Variants in APCDD1L observed in about 807,000 individuals in gnomAD.
The protein encoded by APCDD1L is protein APCDD1-like.
In APCDD1L, 21 loss-of-function variants were observed where a neutral mutation model predicts 24.2. The observed-to-expected ratio is 0.87, with a 90% CI of 0.61 to 1.25. The LOEUF is 1.25. Among genes scored for constraint, APCDD1L ranks in the 50% most tolerant of loss-of-function variants. The probability of loss-of-function intolerance (pLI) is 0.00; values close to 1 mark genes in which losing one functional copy is unlikely to be tolerated. For missense variants in APCDD1L, 704 were observed against 711.7 expected, an observed-to-expected ratio of 0.99 and a Z score of 0.12; for synonymous variants, 321 against 323.6, an observed-to-expected ratio of 0.99 and a Z score of 0.09.
intron 1 of APCDD1L, among the ~76,000 whole-genome samples, chr20:58,510,882 C>T (rs1378680903): frequency 6.6e-6 from 1 of 152,150 alleles, no homozygotes; most frequent in Non-Finnish European, 1.5e-5. Context: ...AAATACAGCA[C>T]CTGCCAAAAG....
rs377714448 is a variant in APCDD1L at position 58,461,025 on chromosome 20, C to T, written c.1271G>A (p.Ser424Asn). Reference protein sequence around the residue: ...FKMEQDPLGQSLLFIGQRPTD... With the variant: ...FKMEQDPLGQNLLFIGQRPTD... ...GGGCCTTTGTCCGATGAAGAGCAGG[C>T]TTTGCCCGAGGGGGTCTTGTTCCAT... The change falls in exon 4 of 4, where the codon AGC (serine) becomes AAC (asparagine). Residue 424 changes from serine (S) to asparagine (N), a missense_variant. Physicochemically the swap from Ser to Asn is conservative, Grantham distance 46. Coordinates refer to ENST00000371149, the MANE Select transcript of APCDD1L (RefSeq NM_153360.3). This position sits in a 1 kb window ranked among gnomAD's most constrained non-coding sequence, Gnocchi z 6.0. 7 of 1,614,006 alleles carry T rather than the reference C, an allele frequency of 4.3e-6. No homozygotes were observed. Among genetic ancestry groups the T allele is most frequent in the Admixed American group, 3.3e-5 (2 of 59,994 alleles).
chr20:58,468,388 A>G (rs960761498), intron 2 of APCDD1L, among the ~76,000 whole-genome samples: 5 of 152,110 alleles, frequency 3.3e-5, no homozygotes, highest in African/African-American at 1.2e-4. Flanking sequence ...AAGGGGTTGG[A>G]CGGAGAAGAA....
In APCDD1L at chr20:58,497,576, G is replaced by A. The variant is rs149479386; in HGVS notation, c.49+17083C>T. On this transcript the variant is annotated intron_variant, in intron 1 of 3. Transcript: ENST00000371149. This position sits in a 1 kb window ranked among gnomAD's most constrained non-coding sequence, Gnocchi z 4.3. ...TCTTCTCCCTGCGTCTCTTCACATC[G>A]TCTTCCTTCGACGCAGGTCTGCGTC... 2.7e-3 allele frequency among the ~76,000 whole-genome samples: 410 copies of A among 152,122 alleles called. 3 individuals carry two copies. Among genetic ancestry groups the A allele is most frequent in the African/African-American group, 9.4e-3 (388 of 41,494 alleles).
chr20:58,483,887 A>G (rs1195525271), intron 1 of APCDD1L, among the ~76,000 whole-genome samples: 1 of 152,188 alleles, frequency 6.6e-6, no homozygotes, highest in Non-Finnish European at 1.5e-5. Flanking sequence ...AATGGGCTGG[A>G]GAAGCCGGCC....
rs776320628 is a variant in APCDD1L, at chr20:58,461,201, C to T, written c.1095G>A (p.Gln365=). The change falls in exon 4 of 4, where the codon CAG becomes CAA. Residue 365 remains glutamine, a synonymous_variant. Transcript: ENST00000371149. This position sits in a 1 kb window ranked among gnomAD's most constrained non-coding sequence, Gnocchi z 6.0. The part of the protein sequence containing the change: ...VTRAHVTPMD[Q]VTTAMLNFSE... The stretch of plus-strand genomic sequence containing the variant: ...AGAAGTTGAGCATGGCCGTGGTGAC[C>T]TGGTCCATGGGGGTCACATGGGCCC... 14 of 1,613,620 alleles carry T rather than the reference C, an allele frequency of 8.7e-6. No individual in the cohort carries two copies. The highest frequency in any genetic ancestry group is 1.1e-5 in the Non-Finnish European group (13 of 1,179,834).
At chr20:58,465,461 G>A (rs908730687) in intron 3 of APCDD1L, among the ~76,000 whole-genome samples, 28 of 152,228 alleles carry the variant, frequency 1.8e-4, no homozygotes, top group Non-Finnish European at 2.6e-4. Context: ...TTCCTTGAGT[G>A]TCCAGTACAC....
rs1381094512 is a variant in APCDD1L, at chr20:58,467,256, G to C, written c.591C>G (p.Ser197Arg). The C allele has an allele frequency of 3.2e-6, 5 of 1,582,184 alleles. No homozygotes were observed. In the Admixed American group the frequency reaches 8.7e-5, roughly 28 times the overall value. ...GCAGGCGGCGCTGCACGCGGACCAG[G>C]CTGAGCTCGTGCATGGTGAGGCCCA... ...EALGLTMHEL[S>R]LVRVQRRLQP... Residue 197 changes from serine to arginine, a missense_variant, in exon 3 of 4, where the codon AGC becomes AGG. Physicochemically the swap from Ser to Arg is moderately radical, Grantham distance 110 (BLOSUM62 -1). Coordinates refer to ENST00000371149, the MANE Select transcript of APCDD1L (RefSeq NM_153360.3). The surrounding 1 kb of genome is among the most constrained non-coding windows in gnomAD (Gnocchi z 5.9).
intron 1 of APCDD1L, among the ~76,000 whole-genome samples, chr20:58,476,595 A>T (rs765903507): frequency 8.5e-5 from 13 of 152,244 alleles, no homozygotes; most frequent in Non-Finnish European, 1.9e-4. Flanking sequence ...AGAGACTGAC[A>T]TTAATCAAAT....
rs149764499 is a variant in APCDD1L, at chr20:58,508,993, C to CGT, written c.49+5664_49+5665dup. On this transcript the variant is annotated intron_variant, in intron 1 of 3. Coordinates refer to ENST00000371149, the MANE Select transcript of APCDD1L (RefSeq NM_153360.3). This position sits in a 1 kb window ranked among gnomAD's most constrained non-coding sequence, Gnocchi z 4.0. ...GCGCACGTGTGTGTGCATGTGCATG[C>CGT]GTGTGTGTGTGTGTGTGTGTGTGTG... 0.52 allele frequency among the ~76,000 whole-genome samples: 77,702 copies of CGT among 149,276 alleles called. 21,053 individuals carry two copies. The highest frequency in any genetic ancestry group is 0.76 in the East Asian group (3,819 of 5,012).
At chr20:58,511,201 A>C (rs1316040975) in intron 1 of APCDD1L, among the ~76,000 whole-genome samples, 2 of 152,184 alleles carry the variant, frequency 1.3e-5, no homozygotes, top group Non-Finnish European at 2.9e-5. Context: ...CAGGGTGGGA[A>C]CCAGGTCTGC....
chr20:58,492,919 C>T (rs566076951), intron 1 of APCDD1L, among the ~76,000 whole-genome samples: 1 of 151,936 alleles, frequency 6.6e-6, no homozygotes, highest in African/African-American at 2.4e-5. Context: ...AGCATGCACA[C>T]ATGCATACAC....
chr20:58,502,207 T>A (rs1990449100), intron 1 of APCDD1L, among the ~76,000 whole-genome samples: 2 of 152,174 alleles, frequency 1.3e-5, no homozygotes, highest in South Asian at 4.1e-4. Context: ...TTTGAGTGAT[T>A]CTCCTGCCTC....
rs1990573399 is a variant in APCDD1L, at chr20:58,508,924, ATGAGTGTGCG to A, written c.49+5725_49+5734del. On this transcript the variant is annotated intron_variant, in intron 1 of 3. Coordinates refer to ENST00000371149, the MANE Select transcript of APCDD1L (RefSeq NM_153360.3). The surrounding 1 kb of genome is among the most constrained non-coding windows in gnomAD (Gnocchi z 4.0). ...ACTGTGTGCACATGCGTGAGTGTGC[ATGAGTGTGCG>A]TGAGTGTGTGTGAGTGTGCATGTGT... Among the ~76,000 whole-genome samples, 1 of 151,768 alleles carries A rather than the reference ATGAGTGTGCG, an allele frequency of 6.6e-6. No individual in the cohort carries two copies. The highest frequency in any genetic ancestry group is 1.5e-5 in the Non-Finnish European group (1 of 67,912).
intron 1 of APCDD1L, among the ~76,000 whole-genome samples, chr20:58,481,965 T>C (rs1001642657): frequency 3.3e-5 from 5 of 152,190 alleles, no homozygotes; most frequent in African/African-American, 9.6e-5. Flanking sequence ...AAAGCTCCAG[T>C]TGGAACCACA....
At position 58,496,018 on chromosome 20, in the gene APCDD1L, T is replaced by C. The variant is rs114808156; in HGVS notation, c.49+18641A>G. 5.1e-3 allele frequency among the ~76,000 whole-genome samples: 775 copies of C among 152,258 alleles called. 10 individuals carry two copies. Among genetic ancestry groups the C allele is most frequent in the African/African-American group, 0.017 (726 of 41,542 alleles). ...GCTTGAGGCCCTACCCCATTGAGGG[T>C]CAATGACATACCGTCTTTAGGATAA... is the stretch of plus-strand genomic sequence containing the variant. On this transcript the variant is annotated intron_variant, in intron 1 of 3. Coordinates refer to ENST00000371149, the MANE Select transcript of APCDD1L (RefSeq NM_153360.3).
chr20:58,468,362 C>T (rs1398674492), intron 2 of APCDD1L, among the ~76,000 whole-genome samples: 1 of 152,032 alleles, frequency 6.6e-6, no homozygotes, highest in Non-Finnish European at 1.5e-5. Flanking sequence ...GCTGGTGATA[C>T]AAACAGATCC....
At chr20:58,482,588 C>T (rs1364979203) in intron 1 of APCDD1L, among the ~76,000 whole-genome samples, 1 of 151,940 alleles carries the variant, frequency 6.6e-6, no homozygotes, top group African/African-American at 2.4e-5. Context: ...ATTGGATGAC[C>T]ACAGCGGGTG....
intron 2 of APCDD1L, among the ~76,000 whole-genome samples, chr20:58,468,685 A>G (rs1989761580): frequency 6.6e-6 from 1 of 152,144 alleles, no homozygotes; most frequent in South Asian, 2.1e-4. Flanking sequence ...CTCCTGCCTC[A>G]GTCTCCCGAG....
At chr20:58,513,841 T>G (rs1434334815) in intron 1 of APCDD1L, 1 of 1,273,062 alleles carries the variant, frequency 7.9e-7, no homozygotes, top group Non-Finnish European at 1.0e-6. Context: ...GTTGATATGA[T>G]GTTGATCTGG....
Sources: allele counts gnomAD v4.1 joint callset (sites outside exome capture counted in the v4.1 genomes callset), GRCh38; gene constraint gnomAD v4.1.1; non-coding constraint Gnocchi (gnomAD v3.1); transcripts MANE v1.5; gene names NCBI Gene and HGNC (gene_info 2026-07-23, HGNC 2026-07-21).